The following ERG variants were observed in gnomAD, a reference collection of about 807,000 sequenced individuals.
The protein encoded by ERG is transcriptional regulator ERG.
A neutral mutation model predicts 55.3 loss-of-function variants in ERG; 9 were observed. The ratio of observed to expected loss-of-function variants is 0.16; its 90% confidence interval spans 0.10 to 0.28. ERG has a LOEUF of 0.28. Ranked by LOEUF, ERG falls within the 10% of genes least tolerant of loss-of-function variation. The pLI is 1.00. For synonymous variants in ERG, 223 were observed against 237.3 expected, an observed-to-expected ratio of 0.94 and a Z score of 0.55; for missense variants, 434 against 631.6, an observed-to-expected ratio of 0.69 and a Z score of 3.35.
chr21:38,499,009 A>G (rs907815038), upstream of ERG, among the ~76,000 whole-genome samples: 3 of 152,230 alleles, frequency 2.0e-5, no homozygotes, highest in Admixed American at 6.5e-5. Context: ...AACATTTCAT[A>G]TAAGTGTTCC....
At chr21:38,550,058 G>T (rs957112478) in intron 2 of ERG, among the ~76,000 whole-genome samples, 1 of 152,212 alleles carries the variant, frequency 6.6e-6, no homozygotes, top group Non-Finnish European at 1.5e-5. Context: ...TGTCTGGGTT[G>T]TCACCTGCTC....
chr21:38,611,761 C>G (rs1022842074), intron 1 of ERG, among the ~76,000 whole-genome samples: 5 of 152,128 alleles, frequency 3.3e-5, no homozygotes, highest in Admixed American at 1.3e-4. Context: ...TGGGGACATT[C>G]ATCTGTTTGG....
At chr21:38,573,819 C>G (rs759612885) in intron 2 of ERG, among the ~76,000 whole-genome samples, 7 of 152,202 alleles carry the variant, frequency 4.6e-5, no homozygotes, top group African/African-American at 7.2e-5. Flanking sequence ...TATTTCTTTT[C>G]TCAGTCTCTC....
At chr21:38,658,332 T>G in intron 1 of ERG, among the ~76,000 whole-genome samples, 1 of 152,302 alleles carries the variant, frequency 6.6e-6, no homozygotes, top group Non-Finnish European at 1.5e-5. Flanking sequence ...ATTAGAAACG[T>G]AGGTGGCTCT....
intron 1 of ERG, among the ~76,000 whole-genome samples, chr21:38,482,344 T>C (rs932606714): frequency 1.3e-5 from 2 of 152,212 alleles, no homozygotes; most frequent in African/African-American, 2.4e-5. Context: ...CAGATGGCTA[T>C]GGTCAAAAAG....
chr21:38,403,949 C>T (rs901064713), intron 3 of ERG, among the ~76,000 whole-genome samples: 5 of 152,124 alleles, frequency 3.3e-5, no homozygotes, highest in Non-Finnish European at 7.4e-5. Flanking sequence ...ATCACATGCC[C>T]TTGTTTTTGC....
chr21:38,545,782 CA>C (rs1316465796), intron 2 of ERG, among the ~76,000 whole-genome samples: 1 of 152,158 alleles, frequency 6.6e-6, no homozygotes, highest in Non-Finnish European at 1.5e-5. Context: ...ATGACATGAC[CA>C]CATCCAATCC....
intron 1 of ERG, among the ~76,000 whole-genome samples, chr21:38,461,730 T>C (rs1001333053): frequency 6.6e-6 from 1 of 152,270 alleles, no homozygotes; most frequent in Non-Finnish European, 1.5e-5. Context: ...CCACTTCTCA[T>C]TAACATTTTC....
At chr21:38,421,602 G>T (rs1005068563) in intron 3 of ERG, among the ~76,000 whole-genome samples, 1 of 152,208 alleles carries the variant, frequency 6.6e-6, no homozygotes, top group African/African-American at 2.4e-5. Flanking sequence ...TAATTTAGGT[G>T]ACCCCAGGAG....
chr21:38,498,001 G>A lies in ERG; in HGVS notation c.18+362C>T, dbSNP rs950515991. 3.9e-5 allele frequency among the ~76,000 whole-genome samples: 6 copies of A among 152,124 alleles called. No homozygotes were observed. Among genetic ancestry groups the A allele is most frequent in the South Asian group, 2.1e-4 (1 of 4,826 alleles). On this transcript the variant is annotated intron_variant, in intron 1 of 9. Coordinates refer to ENST00000288319, the MANE Select transcript of ERG (RefSeq NM_182918.4). This position sits in a 1 kb window ranked among gnomAD's most constrained non-coding sequence, Gnocchi z 4.6. ...ACAAACGCATCTTTTGCTTTGACCCGACCCTTCAACCTCTCCGAGTCTGCT... is the reference window on the plus strand; with the variant it reads ...ACAAACGCATCTTTTGCTTTGACCCAACCCTTCAACCTCTCCGAGTCTGCT...
At chr21:38,368,421 G>A in the ERG span, among the ~76,000 whole-genome samples, 1 of 152,166 alleles carries the variant, frequency 6.6e-6, no homozygotes, top group Non-Finnish European at 1.5e-5. Context: ...ACTCCATTAT[G>A]TGGATATACC....
intron 6 of ERG, among the ~76,000 whole-genome samples, chr21:38,395,046 A>C (rs1308803521): frequency 6.6e-6 from 1 of 152,240 alleles, no homozygotes; most frequent in Non-Finnish European, 1.5e-5. Flanking sequence ...AAATAAGTCG[A>C]AACTTAACAC....
chr21:38,601,591 T>C (rs779770436), intron 1 of ERG, among the ~76,000 whole-genome samples: 22 of 152,170 alleles, frequency 1.4e-4, no homozygotes, highest in Non-Finnish European at 2.5e-4. Flanking sequence ...TTTTCCCTGT[T>C]TGAATTCTTA....
At chr21:38,397,685 AC>A (rs1988296526) in intron 6 of ERG, among the ~76,000 whole-genome samples, 1 of 151,876 alleles carries the variant, frequency 6.6e-6, no homozygotes. Context: ...TGGGTGACTC[AC>A]AGTGGGAAGG....
At chr21:38,465,262 A>G (rs1048543909) in intron 1 of ERG, among the ~76,000 whole-genome samples, 1 of 152,232 alleles carries the variant, frequency 6.6e-6, no homozygotes, top group Non-Finnish European at 1.5e-5. Context: ...GGGCACAGAG[A>G]CTTTTTGAAA....
chr21:38,586,747 A>G (rs2060067940), upstream of ERG, among the ~76,000 whole-genome samples: 1 of 152,232 alleles, frequency 6.6e-6, no homozygotes, highest in Non-Finnish European at 1.5e-5. Flanking sequence ...ATTACAAATC[A>G]AAATACTACA....
intron 2 of ERG, among the ~76,000 whole-genome samples, chr21:38,543,364 T>TAAAA (rs57245755): frequency 0.01 from 1,530 of 148,994 alleles, 19 homozygotes; most frequent in Admixed American, 0.033. Context: ...TGTTTTTTTT[T>TAAAA]AAAAAAAAAG....
intron 2 of ERG, among the ~76,000 whole-genome samples, chr21:38,432,985 C>T (rs1238742734): frequency 6.6e-6 from 1 of 152,146 alleles, no homozygotes; most frequent in Non-Finnish European, 1.5e-5. Flanking sequence ...ATGAGGGTTA[C>T]AGACGTGAGC....
chr21:38,531,458 T>C (rs1263618267), intron 2 of ERG, among the ~76,000 whole-genome samples: 4 of 152,162 alleles, frequency 2.6e-5, no homozygotes. Flanking sequence ...AGGGTCTGTG[T>C]AAATAGCCAT....
Sources: allele counts gnomAD v4.1 joint callset (sites outside exome capture counted in the v4.1 genomes callset), GRCh38; gene constraint gnomAD v4.1.1; non-coding constraint Gnocchi (gnomAD v3.1); transcripts MANE v1.5; gene names NCBI Gene and HGNC (gene_info 2026-07-23, HGNC 2026-07-21).